Variants in DOK5 observed in about 807,000 individuals in gnomAD.
DOK5 encodes the protein downstream of tyrosine kinase 5.
DOK5 carries 27 observed loss-of-function variants against 43.3 expected under a neutral mutation model. The ratio of observed to expected loss-of-function variants is 0.62; its 90% CI spans 0.46 to 0.86. DOK5 has a LOEUF of 0.86. Ranked by LOEUF, DOK5 falls within the 40% of genes least tolerant of loss-of-function variation. The pLI is 0.00. For missense variants in DOK5, 373 were observed against 392.9 expected, an observed-to-expected ratio of 0.95 and a Z score of 0.43; for synonymous variants, 146 against 140.1, an observed-to-expected ratio of 1.04 and a Z score of -0.30.
At position 54,649,587 on chromosome 20, in the gene DOK5, C is replaced by A. The variant is rs74857804; in HGVS notation, c.857-828C>A. 5.7e-3 allele frequency among the ~76,000 whole-genome samples: 873 copies of A among 152,142 alleles called. 4 individuals carry two copies. Among genetic ancestry groups the A allele is most frequent in the Non-Finnish European group, 9.6e-3 (653 of 68,008 alleles). On this transcript the variant is annotated intron_variant, in intron 7 of 7. Coordinates refer to ENST00000262593, the MANE Select transcript of DOK5 (RefSeq NM_018431.5). ...TTTGCGGTGAGTCCTGAGATCTTCA[C>A]CTAGCCGTGTACATTTCTTTGCTTG...
chr20:54,594,289 G>T (rs1232221105), intron 5 of DOK5, among the ~76,000 whole-genome samples: 1 of 152,186 alleles, frequency 6.6e-6, no homozygotes, highest in Non-Finnish European at 1.5e-5. Flanking sequence ...CTACTCCAGA[G>T]ACTGAGGTGG....
intron 5 of DOK5, among the ~76,000 whole-genome samples, chr20:54,597,372 G>A (rs572409641): frequency 6.6e-6 from 1 of 152,124 alleles, no homozygotes; most frequent in Non-Finnish European, 1.5e-5. Context: ...GCACAGAATA[G>A]TCCTTGACAA....
At chr20:54,642,549 CAAAA>C (rs66463305) in intron 6 of DOK5, among the ~76,000 whole-genome samples, 2 of 96,374 alleles carry the variant, frequency 2.1e-5, no homozygotes, top group African/African-American at 4.3e-5. Flanking sequence ...ACTAAAAATA[CAAAA>C]AAAAAAAAAA....
intron 2 of DOK5, among the ~76,000 whole-genome samples, chr20:54,579,148 T>C (rs1985550014): frequency 6.6e-6 from 1 of 152,206 alleles, no homozygotes. Context: ...TCATCTTTAC[T>C]CTTACGAATA....
rs137931327 is a variant in DOK5 at position 54,561,613 on chromosome 20, T to A, written c.174+6573T>A. Among the ~76,000 whole-genome samples, 76 of 152,276 alleles carry A rather than the reference T, an allele frequency of 5.0e-4. 2 individuals carry two copies. The highest frequency in any genetic ancestry group is 1.8e-3 in the African/African-American group (75 of 41,572). Reference sequence around the variant, plus strand: ...CAACCCAAGACTACTTACCTCTGGATTTGTTTTATATGAGAGGAATAAACT... The same window carrying A: ...CAACCCAAGACTACTTACCTCTGGAATTGTTTTATATGAGAGGAATAAACT... On this transcript the variant is annotated intron_variant, in intron 2 of 7. Coordinates refer to ENST00000262593, the MANE Select transcript of DOK5 (RefSeq NM_018431.5).
intron 6 of DOK5, among the ~76,000 whole-genome samples, chr20:54,633,362 G>C (rs935265014): frequency 1.3e-5 from 2 of 151,868 alleles, no homozygotes; most frequent in African/African-American, 4.8e-5. Context: ...TGAGAGCCGA[G>C]ATTTCAGCAG....
At chr20:54,641,774 A>G (rs971008367) in intron 6 of DOK5, among the ~76,000 whole-genome samples, 3 of 152,160 alleles carry the variant, frequency 2.0e-5, no homozygotes, top group African/African-American at 7.2e-5. Context: ...TAAATGTTTC[A>G]TTTCCAATTC....
chr20:54,615,905 A>AAC (rs1402119411), intron 6 of DOK5, among the ~76,000 whole-genome samples: 1 of 151,494 alleles, frequency 6.6e-6, no homozygotes, highest in African/African-American at 2.4e-5. Context: ...ATCTCAAAAA[A>AAC]AAAAAGGCAT....
chr20:54,550,421 C>T (rs1043173603), intron 1 of DOK5, among the ~76,000 whole-genome samples: 4 of 152,130 alleles, frequency 2.6e-5, no homozygotes, highest in Non-Finnish European at 4.4e-5. Flanking sequence ...AGTATGATAT[C>T]GTAACAAAGA....
intron 1 of DOK5, among the ~76,000 whole-genome samples, chr20:54,511,209 C>T (rs1456075100): frequency 1.3e-5 from 2 of 152,172 alleles, no homozygotes; most frequent in Non-Finnish European, 2.9e-5. Context: ...TGGACTAACT[C>T]CTGGATGCTC....
chr20:54,648,266 T>A (rs897203633), intron 7 of DOK5, among the ~76,000 whole-genome samples: 2 of 152,120 alleles, frequency 1.3e-5, no homozygotes, highest in Non-Finnish European at 2.9e-5. Flanking sequence ...ATGACAGACA[T>A]ACCTGGGACT....
intron 2 of DOK5, among the ~76,000 whole-genome samples, chr20:54,565,026 T>C (rs1206959547): frequency 6.6e-6 from 1 of 152,162 alleles, no homozygotes; most frequent in African/African-American, 2.4e-5. Flanking sequence ...TTCTCTTCCT[T>C]CAGGGATTAG....
intron 6 of DOK5, among the ~76,000 whole-genome samples, chr20:54,613,629 T>C (rs1986720177): frequency 1.3e-5 from 2 of 152,238 alleles, no homozygotes; most frequent in South Asian, 2.1e-4. Context: ...ATATTGTCTC[T>C]TTAAATATCA....
intron 5 of DOK5, among the ~76,000 whole-genome samples, chr20:54,605,309 A>G (rs1213442879): frequency 6.6e-6 from 1 of 152,180 alleles, no homozygotes; most frequent in Non-Finnish European, 1.5e-5. Flanking sequence ...TTCTAATAAG[A>G]TATGTTAGTG....
chr20:54,605,349 G>C (rs6068912), intron 5 of DOK5, among the ~76,000 whole-genome samples: 37,192 of 152,178 alleles, frequency 0.24, 5,736 homozygotes, highest in African/African-American at 0.41. Flanking sequence ...CGAGAGAACA[G>C]AGTTTCTGAA....
chr20:54,592,975 T>C (rs1382918851), intron 5 of DOK5, among the ~76,000 whole-genome samples: 5 of 152,206 alleles, frequency 3.3e-5, no homozygotes, highest in African/African-American at 9.7e-5. Context: ...CAGACAGTTA[T>C]TCCTGACAGG....
At chr20:54,612,640 C>T (rs1486710376) in intron 6 of DOK5, among the ~76,000 whole-genome samples, 2 of 152,144 alleles carry the variant, frequency 1.3e-5, no homozygotes, top group Non-Finnish European at 2.9e-5. Flanking sequence ...TCTCCTTTGG[C>T]CTTCAAATCC....
rs1300327023 is a variant in DOK5, at chr20:54,588,425, T to G, written c.175-58T>G. On this transcript the variant is annotated intron_variant, in intron 2 of 7. Transcript: ENST00000262593. Reference sequence around the variant, plus strand: ...GATTTCCGGGCCTCACCTTTGGTGTTGTATACTGGAGACATTCATTCAGGG... The same window carrying G: ...GATTTCCGGGCCTCACCTTTGGTGTGGTATACTGGAGACATTCATTCAGGG... The G allele has an allele frequency of 2.1e-6, 3 of 1,444,688 alleles. No individual in the cohort carries two copies. The African/African-American group carries it at 4.2e-5, about 20-fold the overall frequency. 89.5% of individuals were successfully genotyped at this position (1,444,688 alleles called of 1,614,324 possible). A position where few individuals can be genotyped will look rare whatever the true frequency, so the allele number is the denominator to read the frequency against.
intron 1 of DOK5, among the ~76,000 whole-genome samples, chr20:54,498,852 TCTAA>T (rs1243717948): frequency 6.6e-6 from 1 of 152,208 alleles, no homozygotes; most frequent in Non-Finnish European, 1.5e-5. Flanking sequence ...AATAAAGCCA[TCTAA>T]CTGTCATTTA....
Sources: gnomAD v4.1 joint callset for allele counts (sites outside exome capture counted in the v4.1 genomes callset) on GRCh38, gnomAD v4.1.1 for gene constraint, MANE v1.5 for transcripts, NCBI Gene and HGNC (gene_info 2026-07-23, HGNC 2026-07-21) for gene names.